The following SATL1 variants were observed in gnomAD, a reference collection of about 807,000 sequenced individuals.
SATL1 encodes spermidine/spermine N1-acetyl transferase like 1, also known as spermidine/spermine N(1)-acetyltransferase-like protein 1.
In SATL1, 47 loss-of-function variants were observed where a neutral mutation model predicts 51.8. That is an observed-to-expected ratio of 0.91 (90% confidence interval 0.72 to 1.16). The LOEUF is 1.16. SATL1 is among the 50% of genes most tolerant of loss of function. SATL1 has a pLI of 0.00. For synonymous variants in SATL1, 176 were observed against 182.4 expected, an observed-to-expected ratio of 0.97 and a Z score of 0.28; for missense variants, 520 against 526.4, an observed-to-expected ratio of 0.99 and a Z score of 0.12.
intron 2 of SATL1, among the ~76,000 whole-genome samples, chrX:85,189,355 T>C (rs1216849439): frequency 9.0e-6 from 1 of 111,531 alleles, no homozygotes; most frequent in Non-Finnish European, 1.9e-5. Flanking sequence ...AAACTTGTTG[T>C]AGAGAAAGTC....
At chrX:85,228,414 A>T (rs186018046) in intron 1 of SATL1, among the ~76,000 whole-genome samples, 1 of 111,362 alleles carries the variant, frequency 9.0e-6, no homozygotes, top group East Asian at 2.8e-4. Context: ...TCTCACATTT[A>T]AAAAAAATGT....
chrX:85,194,088 T>TA (rs760869064), intron 2 of SATL1, among the ~76,000 whole-genome samples: 10 of 112,024 alleles, frequency 8.9e-5, no homozygotes, highest in African/African-American at 2.9e-4. Flanking sequence ...CTTTGAGGAA[T>TA]AAACATAGTA....
chrX:85,184,214 C>T (rs977036029), intron 2 of SATL1, among the ~76,000 whole-genome samples: 4 of 111,416 alleles, frequency 3.6e-5, no homozygotes, highest in Non-Finnish European at 7.5e-5. Context: ...GCATCCAAAC[C>T]TATAAGGTTT....
intron 5 of SATL1, among the ~76,000 whole-genome samples, chrX:85,094,431 T>C (rs999374656): frequency 5.4e-5 from 6 of 111,669 alleles, no homozygotes; most frequent in African/African-American, 1.3e-4. Context: ...CCTCCTTTTA[T>C]AGTGTGGTGT....
chrX:85,194,032 C>T (rs1455612815), intron 2 of SATL1, among the ~76,000 whole-genome samples: 1 of 111,583 alleles, frequency 9.0e-6, no homozygotes, highest in Non-Finnish European at 1.9e-5. Flanking sequence ...TGGGTATATA[C>T]CCAGAAATGG....
intron 1 of SATL1, among the ~76,000 whole-genome samples, chrX:85,225,543 G>A (rs1928261493): frequency 8.9e-6 from 1 of 112,004 alleles, no homozygotes; most frequent in African/African-American, 3.2e-5. Flanking sequence ...TGCAAAGGCA[G>A]AAAGACTGCA....
At chrX:85,150,001 C>G (rs748234097) in intron 2 of SATL1, among the ~76,000 whole-genome samples, 1 of 111,324 alleles carries the variant, frequency 9.0e-6, no homozygotes, top group African/African-American at 3.3e-5. Flanking sequence ...ACAAAAAACC[C>G]TTCAAAAAAT....
At chrX:85,183,665 C>G (rs1359570020) in intron 2 of SATL1, among the ~76,000 whole-genome samples, 1 of 110,959 alleles carries the variant, frequency 9.0e-6, no homozygotes, top group Non-Finnish European at 1.9e-5. Context: ...TTTTGTGGCA[C>G]ACAGTAGGAG....
intron 2 of SATL1, among the ~76,000 whole-genome samples, chrX:85,120,041 G>A (rs908325015): frequency 7.2e-5 from 8 of 111,264 alleles, no homozygotes; most frequent in African/African-American, 2.6e-4. Flanking sequence ...TTTAAATCCC[G>A]CTTTTTCTCC....
chrX:85,237,723 C>T (rs1206199001), intron 1 of SATL1, among the ~76,000 whole-genome samples: 1 of 111,257 alleles, frequency 9.0e-6, no homozygotes, highest in East Asian at 2.8e-4. Flanking sequence ...AGGATCATAT[C>T]AAGTTAAACA....
intron 2 of SATL1, among the ~76,000 whole-genome samples, chrX:85,188,047 A>G (rs1243579214): frequency 9.0e-6 from 1 of 111,637 alleles, no homozygotes; most frequent in Non-Finnish European, 1.9e-5. Context: ...AAAAATTACT[A>G]TGATTCTGTG....
In SATL1 at chrX:85,165,127, A is replaced by G. The variant is rs746476998; in HGVS notation, c.-312-55847T>C. Among the ~76,000 whole-genome samples the G allele has an allele frequency of 9.8e-5, 11 of 111,715 alleles. No individual in the cohort carries two copies. The South Asian group carries it at 4.1e-3, about 42-fold the overall frequency. Reference sequence around the variant, plus strand: ...GAAGTTTTCCTTGATTATTCCCTCAAATAAGTTTTCCAGACATTTAGATTT... The same window carrying G: ...GAAGTTTTCCTTGATTATTCCCTCAGATAAGTTTTCCAGACATTTAGATTT... On this transcript the variant is annotated intron_variant, in intron 2 of 7. Transcript: ENST00000644105.
chrX:85,154,471 T>C (rs1360698062), intron 2 of SATL1, among the ~76,000 whole-genome samples: 1 of 112,305 alleles, frequency 8.9e-6, no homozygotes, highest in Non-Finnish European at 1.9e-5. Context: ...GGTGGAATGA[T>C]ACTTAAAGCA....
chrX:85,233,177 A>G (rs900887988), intron 1 of SATL1, among the ~76,000 whole-genome samples: 1 of 111,721 alleles, frequency 9.0e-6, no homozygotes, highest in African/African-American at 3.3e-5. Context: ...ATTCTTCCAG[A>G]TCTTAACCAA....
chrX:85,139,879 G>C (rs757829776), intron 2 of SATL1, among the ~76,000 whole-genome samples: 2 of 111,424 alleles, frequency 1.8e-5, no homozygotes, highest in South Asian at 7.5e-4. Flanking sequence ...ATTCAGAAAA[G>C]TATCATAAAT....
intron 2 of SATL1, among the ~76,000 whole-genome samples, chrX:85,178,532 C>A (rs1184861836): frequency 9.5e-6 from 1 of 105,452 alleles, no homozygotes; most frequent in Non-Finnish European, 1.9e-5. Flanking sequence ...TCTAGTAGTG[C>A]AACACAAGTG....
intron 2 of SATL1, among the ~76,000 whole-genome samples, chrX:85,114,407 G>T (rs1925335385): frequency 9.0e-6 from 1 of 111,359 alleles, no homozygotes; most frequent in African/African-American, 3.3e-5. Flanking sequence ...GAACGTTTTA[G>T]CTCTCCATGA....
intron 2 of SATL1, among the ~76,000 whole-genome samples, chrX:85,208,237 C>CT (rs772848289): frequency 9.0e-6 from 1 of 111,522 alleles, no homozygotes. Context: ...TGAACTCATC[C>CT]TTTTTTATGG....
chrX:85,195,671 G>A (rs1038336059), intron 2 of SATL1, among the ~76,000 whole-genome samples: 1 of 109,969 alleles, frequency 9.1e-6, no homozygotes, highest in Non-Finnish European at 1.9e-5. Context: ...AAATTAGCTG[G>A]GCGGGTGGCA....
Sources: allele counts gnomAD v4.1 joint callset (sites outside exome capture counted in the v4.1 genomes callset), GRCh38; gene constraint gnomAD v4.1.1; transcripts MANE v1.5; gene names NCBI Gene and HGNC (gene_info 2026-07-23, HGNC 2026-07-21).